RIOK1: variants seen among roughly 807,000 people sequenced by gnomAD.
RIOK1 encodes serine/threonine-protein kinase RIO1.
RIOK1 carries 66 observed loss-of-function variants against 73.5 expected under a neutral mutation model. The ratio of observed to expected loss-of-function variants is 0.90; its 90% CI spans 0.74 to 1.10. The LOEUF (loss-of-function observed/expected upper bound fraction) is 1.10, where lower values mean the gene tolerates loss of function less well. Ranked by LOEUF, RIOK1 falls within the 50% of genes least tolerant of loss-of-function variation. The pLI is 0.00. For synonymous variants in RIOK1, 224 were observed against 226.8 expected, an observed-to-expected ratio of 0.99 and a Z score of 0.11; for missense variants, 658 against 699.8, an observed-to-expected ratio of 0.94 and a Z score of 0.67.
At chr6:7,401,767 C>T (rs1173823777) in intron 6 of RIOK1, among the ~76,000 whole-genome samples, 1 of 148,524 alleles carries the variant, frequency 6.7e-6, no homozygotes, top group African/African-American at 2.5e-5. Context: ...CAACCTCTGC[C>T]TCTCGGGTAC....
At chr6:7,398,844 A>G in intron 5 of RIOK1, 104 bp downstream of exon 5, 1 of 875,540 alleles carries the variant, frequency 1.1e-6, no homozygotes, top group East Asian at 2.6e-5. Flanking sequence ...AATGTTACCT[A>G]AAATTACTCC....
intron 6 of RIOK1, 135 bp downstream of exon 6, chr6:7,401,185 G>A (rs1384040569): frequency 4.5e-6 from 3 of 662,714 alleles, no homozygotes; most frequent in Non-Finnish European, 5.3e-6. Flanking sequence ...CATGGTTAGA[G>A]AGGAAGTTGT....
rs1561882357 is a variant in RIOK1, at chr6:7,414,225, T to C, written c.1444-13T>C. On this transcript the variant is annotated splice_polypyrimidine_tract_variant and intron_variant, in intron 15 of 16. Coordinates refer to ENST00000379834, the MANE Select transcript of RIOK1 (RefSeq NM_031480.3). ...TGTTGTTTAGAATAACATGGTTCTT[T>C]AATAATTTCAAGGTCCCTGCACTCC... The C allele has an allele frequency of 6.3e-7, 1 of 1,598,084 alleles. No homozygotes were observed. Among genetic ancestry groups the C allele is most frequent in the Non-Finnish European group, 8.5e-7 (1 of 1,175,224 alleles).
intron 4 of RIOK1, among the ~76,000 whole-genome samples, chr6:7,397,040 G>A (rs1004257508): frequency 1.3e-5 from 2 of 152,110 alleles, no homozygotes; most frequent in African/African-American, 4.8e-5. Context: ...GAGCTGTGGG[G>A]ATCACTTGAG....
intron 6 of RIOK1, among the ~76,000 whole-genome samples, chr6:7,401,911 T>C (rs957200305): frequency 6.6e-6 from 1 of 152,140 alleles, no homozygotes; most frequent in Non-Finnish European, 1.5e-5. Flanking sequence ...ATTTTTGGCC[T>C]GAAGTGATTC....
chr6:7,393,200 A>G lies in RIOK1; in HGVS notation c.173A>G (p.Glu58Gly), dbSNP rs1761384006. 1 of 1,608,544 alleles carries G rather than the reference A, an allele frequency of 6.2e-7. No individual in the cohort carries two copies. Among genetic ancestry groups the G allele is most frequent in the African/African-American group, 1.3e-5 (1 of 74,828 alleles). Residue 58 changes from glutamate (E) to glycine (G), a missense_variant, in exon 2 of 17, where the codon GAG becomes GGG. Coordinates refer to ENST00000379834, the MANE Select transcript of RIOK1 (RefSeq NM_031480.3). ...AATGGTGAAGGTGAAATAGAAGATG[A>G]GGAGGAGGAGGGTTATGACGATGAT... Reference protein sequence around the residue: ...NENGEGEIEDEEEEGYDDDDD... With the variant: ...NENGEGEIEDGEEEGYDDDDD...
At chr6:7,409,499 G>A (rs574533615) in intron 12 of RIOK1, among the ~76,000 whole-genome samples, 4 of 151,860 alleles carry the variant, frequency 2.6e-5, no homozygotes, top group African/African-American at 7.2e-5. Context: ...TGATCCAGCC[G>A]CCTCAGCCTC....
At chr6:7,393,044 C>G (rs2113496751) in intron 1 of RIOK1, 55 bp from the exon 2 acceptor site, 1 of 1,485,102 alleles carries the variant, frequency 6.7e-7, no homozygotes. Context: ...TATGTGAGAT[C>G]AGTTAGGGTA....
chr6:7,417,404 GA>G lies in RIOK1; in HGVS notation c.1673del (p.Lys558ArgfsTer32). 1.3e-6 allele frequency: 2 copies of G among 1,568,376 alleles called. No homozygotes were observed. On this transcript the variant is annotated frameshift_variant, in exon 17 of 17. Transcript: ENST00000379834. LOFTEE classifies it high-confidence loss of function. ...AAAATTCCTAAACATGTGAAAAAAAGAAAGGAGAAGACAGCCAAGACGAAAA... is the reference window on the plus strand; with the variant it reads ...AAAATTCCTAAACATGTGAAAAAAAGAAGGAGAAGACAGCCAAGACGAAAA... ...KNKIPKHVKKRKEKTAKTKKG... is the reference protein window; with the variant it reads ...KNKIPKHVKKXKEKTAKTKKG...
rs556823967 is a variant in RIOK1 at position 7,406,392 on chromosome 6, G to A, written c.1203+1037G>A. On this transcript the variant is annotated intron_variant, in intron 12 of 16. Coordinates refer to ENST00000379834, the MANE Select transcript of RIOK1 (RefSeq NM_031480.3). ...AACCATTTGAATGTATGGTTCAGTGGCATTAAGTACATTCACATTGTGGTA... is the reference window on the plus strand; with the variant it reads ...AACCATTTGAATGTATGGTTCAGTGACATTAAGTACATTCACATTGTGGTA... Among the ~76,000 whole-genome samples the A allele has an allele frequency of 4.6e-5, 7 of 152,210 alleles. No individual in the cohort carries two copies. The South Asian group carries it at 8.3e-4, about 18-fold the overall frequency.
chr6:7,393,908 CAAT>C (rs1761405236), intron 2 of RIOK1, among the ~76,000 whole-genome samples: 1 of 151,992 alleles, frequency 6.6e-6, no homozygotes. Context: ...CTGATTCGCA[CAAT>C]GAGGCATTAT....
chr6:7,396,691 C>G lies in RIOK1; in HGVS notation c.368-12C>G. The G allele has an allele frequency of 6.4e-7, 1 of 1,565,252 alleles. No homozygotes were observed. The highest frequency in any genetic ancestry group is 8.8e-7 in the Non-Finnish European group (1 of 1,139,798). On this transcript the variant is annotated splice_polypyrimidine_tract_variant and intron_variant, in intron 3 of 16. Transcript: ENST00000379834. ...TACATATTGTTTACATTGTGGGTTT[C>G]TTGTATTTTAGATAAGCTAAATGTT...
chr6:7,394,179 A>G lies in RIOK1; in HGVS notation c.277-874A>G, dbSNP rs567228299. Among the ~76,000 whole-genome samples the G allele has an allele frequency of 9.4e-4, 143 of 152,328 alleles. 1 individual carries two copies. Among genetic ancestry groups the G allele is most frequent in the African/African-American group, 3.2e-3 (135 of 41,578 alleles). On this transcript the variant is annotated intron_variant, in intron 2 of 16. Coordinates refer to ENST00000379834, the MANE Select transcript of RIOK1 (RefSeq NM_031480.3). ...CTGGGCGCAGTGGCTCCTGCCTCTA[A>G]TCCCAGCACTTTGGGAGGCCGAGCT...
intron 12 of RIOK1, among the ~76,000 whole-genome samples, chr6:7,408,003 T>G (rs1761790789): frequency 6.6e-6 from 1 of 152,242 alleles, no homozygotes; most frequent in Non-Finnish European, 1.5e-5. Context: ...CATAGAGTTT[T>G]GAACACATGG....
At chr6:7,390,131 TG>T (rs1457746162) in intron 1 of RIOK1, 58 bp downstream of exon 1, 26 of 1,441,844 alleles carry the variant, frequency 1.8e-5, no homozygotes, top group Non-Finnish European at 2.3e-5. Context: ...ACCGCCCCCT[TG>T]GGGTGTGGAC....
chr6:7,410,499 A>T (rs2113526165), intron 13 of RIOK1, 48 bp downstream of exon 13: 2 of 1,318,358 alleles, frequency 1.5e-6, no homozygotes, highest in Non-Finnish European at 2.1e-6. Context: ...TTGTGTTTTG[A>T]GGGTTTTTTT....
At chr6:7,395,888 T>C (rs183959619) in intron 3 of RIOK1, among the ~76,000 whole-genome samples, 16 of 152,202 alleles carry the variant, frequency 1.1e-4, no homozygotes, top group South Asian at 4.1e-4. Context: ...TTTTATTTTC[T>C]GTAGAGACGG....
chr6:7,392,772 A>G (rs138714392), intron 1 of RIOK1: 236 of 183,156 alleles, frequency 1.3e-3, no homozygotes, highest in Middle Eastern at 5.4e-3. Context: ...TCCTAGAGTC[A>G]AGTCTGGTAT....
Position 7,417,460 on chromosome 6 carries a change from TACAG to T in RIOK1, c.*20_*23del. ...CAAATAGAATGAGAACCATATTATGTACAGTCATTTTCCTCAGTTCCTTTTCTCG... is the reference window on the plus strand; with the variant it reads ...CAAATAGAATGAGAACCATATTATGTTCATTTTCCTCAGTTCCTTTTCTCG... On this transcript the variant is annotated 3_prime_UTR_variant, in exon 17 of 17. Transcript: ENST00000379834. 1 of 1,420,034 alleles carries T rather than the reference TACAG, an allele frequency of 7.0e-7. No individual in the cohort carries two copies. The highest frequency in any genetic ancestry group is 9.5e-7 in the Non-Finnish European group (1 of 1,047,548). 88.0% of individuals were successfully genotyped at this position (1,420,034 alleles called of 1,614,324 possible).
Sources: allele counts gnomAD v4.1 joint callset (sites outside exome capture counted in the v4.1 genomes callset), GRCh38; gene constraint gnomAD v4.1.1; transcripts MANE v1.5; gene names NCBI Gene and HGNC (gene_info 2026-07-23, HGNC 2026-07-21).